CLXN: variants seen among roughly 807,000 people sequenced by gnomAD.
CLXN encodes EF-hand calcium binding domain 1.
chr8:48,720,478 T>C, the CLXN span, among the ~76,000 whole-genome samples: 3 of 152,202 alleles, frequency 2.0e-5, no homozygotes, highest in Non-Finnish European at 4.4e-5. Flanking sequence ...AGATACACCC[T>C]GGTCTCCTGC....
At chr8:48,715,062 T>C in the CLXN span, 1 of 152,194 alleles carries the variant, frequency 6.6e-6, no homozygotes, top group African/African-American at 2.4e-5. Context: ...ATTTTCAATA[T>C]GATCATCTGA....
At chr8:48,726,755 A>T in the CLXN span, among the ~76,000 whole-genome samples, 1 of 142,706 alleles carries the variant, frequency 7.0e-6, no homozygotes, top group African/African-American at 2.7e-5. Context: ...CCATCCATCC[A>T]TCCATCTACC....
At chr8:48,719,212 T>C in the CLXN span, among the ~76,000 whole-genome samples, 1 of 151,972 alleles carries the variant, frequency 6.6e-6, no homozygotes, top group African/African-American at 2.4e-5. Flanking sequence ...CCTACCAAAC[T>C]GAATTAGGAA....
the CLXN span, chr8:48,731,296 T>A: frequency 6.6e-7 from 1 of 1,518,476 alleles, no homozygotes; most frequent in South Asian, 1.4e-5. Context: ...CAAACCCTTT[T>A]TTTTTCAGTT....
the CLXN span, chr8:48,731,574 A>G: frequency 1.5e-6 from 2 of 1,335,690 alleles, no homozygotes; most frequent in Non-Finnish European, 2.0e-6. Context: ...TTTTGCAATA[A>G]GTTTACAGAC....
chr8:48,720,336 T>A, the CLXN span, among the ~76,000 whole-genome samples: 1 of 152,244 alleles, frequency 6.6e-6, no homozygotes, highest in East Asian at 1.9e-4. Flanking sequence ...GACATGCAAG[T>A]AGGGAAGGTA....
the CLXN span, chr8:48,731,242 G>C: frequency 2.6e-6 from 3 of 1,150,370 alleles, no homozygotes; most frequent in African/African-American, 4.8e-5. Flanking sequence ...ATGACACTGG[G>C]AATGCAAAAC....
chr8:48,728,866 G>A, the CLXN span, among the ~76,000 whole-genome samples: 2 of 152,036 alleles, frequency 1.3e-5, no homozygotes, highest in African/African-American at 2.4e-5. Context: ...ACACAGCACT[G>A]GGTCACACTA....
At chr8:48,714,526 TAAAAG>T in the CLXN span, among the ~76,000 whole-genome samples, 1 of 152,206 alleles carries the variant, frequency 6.6e-6, no homozygotes, top group Non-Finnish European at 1.5e-5. Flanking sequence ...TGTCAAGTAA[TAAAAG>T]AGGGTTATTC....
At chr8:48,735,170 C>G in the CLXN span, 13 of 1,613,484 alleles carry the variant, frequency 8.1e-6, no homozygotes, top group South Asian at 1.4e-4. Context: ...CTCAGAGAAT[C>G]GGGCCGCGGC....
At chr8:48,716,996 T>C in the CLXN span, among the ~76,000 whole-genome samples, 2 of 151,978 alleles carry the variant, frequency 1.3e-5, no homozygotes, top group South Asian at 2.1e-4. Flanking sequence ...AGAAACCCCA[T>C]CTCTACTAAA....
the CLXN span, chr8:48,735,077 A>C: frequency 6.2e-7 from 1 of 1,614,112 alleles, no homozygotes; most frequent in Non-Finnish European, 8.5e-7. Context: ...CCTGTCCAGC[A>C]CTACATTCTT....
the CLXN span, among the ~76,000 whole-genome samples, chr8:48,719,318 C>T: frequency 6.6e-6 from 1 of 152,090 alleles, no homozygotes; most frequent in Non-Finnish European, 1.5e-5. Flanking sequence ...AGGTGGCTTT[C>T]TAGGTGAATT....
chr8:48,723,562 T>G, the CLXN span: 1 of 152,170 alleles, frequency 6.6e-6, no homozygotes, highest in African/African-American at 2.4e-5. Context: ...ATAGAACAGA[T>G]ACGGTGTAAC....
At chr8:48,731,611 T>C in the CLXN span, 1 of 848,872 alleles carries the variant, frequency 1.2e-6, no homozygotes, top group Middle Eastern at 3.2e-4. Context: ...ATCAAATAGG[T>C]AATTGTCAAT....
At chr8:48,717,542 T>TG in the CLXN span, among the ~76,000 whole-genome samples, 1 of 152,312 alleles carries the variant, frequency 6.6e-6, no homozygotes, top group South Asian at 2.1e-4. Context: ...AGAGAGTTCT[T>TG]CAATTTGAAA....
the CLXN span, among the ~76,000 whole-genome samples, chr8:48,722,993 A>G: frequency 6.6e-6 from 1 of 152,164 alleles, no homozygotes; most frequent in Non-Finnish European, 1.5e-5. Flanking sequence ...GGCTGGGGAT[A>G]GCAGGGTGGG....
the CLXN span, among the ~76,000 whole-genome samples, chr8:48,733,244 C>T: frequency 6.6e-6 from 1 of 152,042 alleles, no homozygotes; most frequent in African/African-American, 2.4e-5. Flanking sequence ...GTTGGTTAGC[C>T]ATTTTTCCAT....
chr8:48,731,879 A>G, the CLXN span, among the ~76,000 whole-genome samples: 1 of 152,182 alleles, frequency 6.6e-6, no homozygotes, highest in African/African-American at 2.4e-5. Context: ...GAGATTTACA[A>G]CTTCTTTTCC....
Sources: gnomAD v4.1 joint callset for allele counts (sites outside exome capture counted in the v4.1 genomes callset) on GRCh38, gnomAD v4.1.1 for gene constraint, MANE v1.5 for transcripts, NCBI Gene and HGNC (gene_info 2026-07-23, HGNC 2026-07-21) for gene names.